Variants in MAPKAPK3 observed in about 807,000 individuals in gnomAD.
MAPKAPK3 encodes the protein MAPK activated protein kinase 3.
A neutral mutation model predicts 49.2 loss-of-function variants in MAPKAPK3; 35 were observed. The observed-to-expected ratio is 0.71, with a 90% CI of 0.54 to 0.94. MAPKAPK3 has a LOEUF of 0.94. MAPKAPK3 is among the 40% of genes least tolerant of loss of function. The pLI, the probability that MAPKAPK3 is intolerant of heterozygous loss-of-function variation, is 0.00. For missense variants in MAPKAPK3, 398 were observed against 493.1 expected (o/e 0.81, Z 1.83); for synonymous variants, 178 against 188.7 (o/e 0.94, Z 0.46).
In MAPKAPK3 at chr3:50,644,639, G is replaced by C. The variant is rs1414636372; in HGVS notation, c.628+107G>C. On this transcript the variant is annotated intron_variant, in intron 6 of 10. Coordinates refer to ENST00000621469, the MANE Select transcript of MAPKAPK3 (RefSeq NM_001243925.2). ...CCAAAGGGTTAAAGCCCAGCAAGGA[G>C]GGAGGGGGAGAATTCTGTCTGCATG... 3.3e-6 allele frequency: 4 copies of C among 1,212,948 alleles called. No homozygotes were observed. In the African/African-American group the frequency reaches 6.0e-5, roughly 18 times the overall value. 75.1% of individuals were successfully genotyped at this position (1,212,948 alleles called of 1,614,324 possible).
intron 2 of MAPKAPK3, among the ~76,000 whole-genome samples, chr3:50,619,198 G>A (rs2032548464): frequency 1.3e-5 from 2 of 152,334 alleles, no homozygotes; most frequent in East Asian, 1.9e-4. Context: ...CCTGATACAG[G>A]TCTGGAGAGG....
chr3:50,619,300 A>T (rs1236643877), intron 2 of MAPKAPK3, among the ~76,000 whole-genome samples: 1 of 152,200 alleles, frequency 6.6e-6, no homozygotes, highest in Non-Finnish European at 1.5e-5. Flanking sequence ...CACTAGGGCC[A>T]ACAGAGGAGG....
At chr3:50,640,138 C>T (rs986150747) in intron 2 of MAPKAPK3, among the ~76,000 whole-genome samples, 1 of 152,208 alleles carries the variant, frequency 6.6e-6, no homozygotes. Flanking sequence ...CCACCTCCTA[C>T]GGACTCCTTG....
chr3:50,640,652 G>C, intron 3 of MAPKAPK3, 147 bp downstream of exon 3: 1 of 979,096 alleles, frequency 1.0e-6, no homozygotes, highest in Non-Finnish European at 1.5e-6. Context: ...GCAGGCAGCC[G>C]CAGGCCCTGC....
upstream of MAPKAPK3, chr3:50,611,859 G>A (rs1227381252): frequency 1.0e-5 from 6 of 592,692 alleles, no homozygotes; most frequent in Non-Finnish European, 1.6e-5. Flanking sequence ...CTAATCCTTT[G>A]TCTGCCGCGT....
intron 5 of MAPKAPK3, among the ~76,000 whole-genome samples, chr3:50,642,937 C>T (rs1265157400): frequency 1.3e-5 from 2 of 152,090 alleles, no homozygotes; most frequent in African/African-American, 2.4e-5. Flanking sequence ...CTGCAGCTTC[C>T]GCCTCCCAGG....
chr3:50,648,055 G>T lies in MAPKAPK3; in HGVS notation c.*9G>T, dbSNP rs1419356165. Reference sequence around the variant, plus strand: ...GCTGCAACAACCAGTAGCTCATGGGGCCTTGGAGGAGCCTGGCCTCTCAGC... The same window carrying T: ...GCTGCAACAACCAGTAGCTCATGGGTCCTTGGAGGAGCCTGGCCTCTCAGC... On this transcript the variant is annotated 3_prime_UTR_variant, in exon 11 of 11. Coordinates refer to ENST00000621469, the MANE Select transcript of MAPKAPK3 (RefSeq NM_001243925.2). The T allele has an allele frequency of 1.2e-6, 2 of 1,609,792 alleles. No individual in the cohort carries two copies. The highest frequency in any genetic ancestry group is 1.7e-5 in the Admixed American group (1 of 59,370).
rs1195774297 is a variant in MAPKAPK3 at position 50,646,842 on chromosome 3, C to A, written c.915+17C>A. 6.2e-7 allele frequency: 1 copy of A among 1,612,428 alleles called. No homozygotes were observed. The highest frequency in any genetic ancestry group is 1.1e-5 in the South Asian group (1 of 91,026). On this transcript the variant is annotated intron_variant, in intron 9 of 10. Coordinates refer to ENST00000621469, the MANE Select transcript of MAPKAPK3 (RefSeq NM_001243925.2). ...TGGATCAACGTGAGCCCCTCCTCCT[C>A]CCATGGCAGGCAGGGTGTCCAACAG... is the stretch of plus-strand genomic sequence containing the variant.
chr3:50,646,946 G>A, intron 9 of MAPKAPK3, 121 bp downstream of exon 9: 1 of 1,090,380 alleles, frequency 9.2e-7, no homozygotes, highest in Non-Finnish European at 1.4e-6. Context: ...CATGCACACA[G>A]GTAGATACTA....
chr3:50,614,303 A>G (rs372547343), upstream of MAPKAPK3, among the ~76,000 whole-genome samples: 9 of 152,216 alleles, frequency 5.9e-5, no homozygotes, highest in African/African-American at 2.2e-4. Context: ...CCAAATTTCC[A>G]TAGATTCTTC....
In MAPKAPK3 at chr3:50,646,059, C is replaced by G. The variant is rs917820804; in HGVS notation, c.705-81C>G. Reference sequence around the variant, plus strand: ...TATGGTGTCTGGTTGTCTGTCTCCCCAGTCAGGGGCTTTTGAGGGGAAATG... The same window carrying G: ...TATGGTGTCTGGTTGTCTGTCTCCCGAGTCAGGGGCTTTTGAGGGGAAATG... On this transcript the variant is annotated intron_variant, in intron 7 of 10. Transcript: ENST00000621469. The G allele has an allele frequency of 5.9e-6, 9 of 1,533,696 alleles. No individual in the cohort carries two copies. In the Admixed American group the frequency reaches 1.3e-4, roughly 23 times the overall value.
intron 2 of MAPKAPK3, among the ~76,000 whole-genome samples, chr3:50,624,984 G>A (rs1048672250): frequency 3.9e-5 from 6 of 152,182 alleles, no homozygotes; most frequent in Admixed American, 6.5e-5. Flanking sequence ...TGGACATCTT[G>A]TGTGGTCCCA....
intron 2 of MAPKAPK3, among the ~76,000 whole-genome samples, chr3:50,632,562 G>C (rs2032938775): frequency 6.6e-6 from 1 of 152,232 alleles, no homozygotes; most frequent in Non-Finnish European, 1.5e-5. Context: ...CCTCCAGGAG[G>C]AAGTTCCCTT....
At chr3:50,647,281 G>A in intron 10 of MAPKAPK3, 78 bp downstream of exon 10, 1 of 1,233,146 alleles carries the variant, frequency 8.1e-7, no homozygotes, top group Non-Finnish European at 1.2e-6. Context: ...GGCTACCCAG[G>A]GTCTGGGGTC....
rs757254886 is a variant in MAPKAPK3, at chr3:50,617,655, G to A, written c.90G>A (p.Gly30=). 56 of 1,610,462 alleles carry A rather than the reference G, an allele frequency of 3.5e-5. No individual in the cohort carries two copies. The highest frequency in any genetic ancestry group is 3.2e-5 in the Non-Finnish European group (38 of 1,177,610). ...CCGGCTTGGGCGGTGCTCCGGGGGG[G>A]CGGCGGGAGCCCAAGAAGTACGCAG... ...GGPGLGGAPG[G]RREPKKYAVT... Residue 30 remains glycine (G), a synonymous_variant, in exon 2 of 11, where the codon GGG becomes GGA. Transcript: ENST00000621469.
At chr3:50,640,319 G>A in intron 2 of MAPKAPK3, 47 bp from the exon 3 acceptor site, 1 of 1,580,588 alleles carries the variant, frequency 6.3e-7, no homozygotes, top group Non-Finnish European at 8.6e-7. Flanking sequence ...GCAAAATGAT[G>A]GTAGAGGGCT....
upstream of MAPKAPK3, among the ~76,000 whole-genome samples, chr3:50,613,096 G>A (rs1355429006): frequency 6.6e-6 from 1 of 152,000 alleles, no homozygotes; most frequent in East Asian, 1.9e-4. Context: ...AGAACTGTGG[G>A]ATTTGGAGAG....
chr3:50,646,836 C>T lies in MAPKAPK3; in HGVS notation c.915+11C>T. 6.2e-7 allele frequency: 1 copy of T among 1,613,476 alleles called. No individual in the cohort carries two copies. On this transcript the variant is annotated intron_variant, in intron 9 of 10. Transcript: ENST00000621469. ...CACCCCTGGATCAACGTGAGCCCCT[C>T]CTCCTCCCATGGCAGGCAGGGTGTC...
chr3:50,623,957 G>A (rs1465305034), intron 2 of MAPKAPK3, among the ~76,000 whole-genome samples: 1 of 152,248 alleles, frequency 6.6e-6, no homozygotes, highest in Admixed American at 6.5e-5. Context: ...GGAACTCTGT[G>A]CCAGTGATTG....
Sources: allele counts gnomAD v4.1 joint callset (sites outside exome capture counted in the v4.1 genomes callset), GRCh38; gene constraint gnomAD v4.1.1; transcripts MANE v1.5; gene names NCBI Gene and HGNC (gene_info 2026-07-23, HGNC 2026-07-21).